The following TAOK2 variants were observed in gnomAD, a reference collection of about 807,000 sequenced individuals.
TAOK2 encodes the protein serine/threonine-protein kinase TAO2.
A neutral mutation model predicts 122.5 loss-of-function variants in TAOK2; 42 were observed. The observed-to-expected ratio is 0.34, with a 90% confidence interval of 0.27 to 0.44. The LOEUF (loss-of-function observed/expected upper bound fraction) is 0.44, where lower values mean the gene tolerates loss of function less well. Ranked by LOEUF, TAOK2 falls within the 20% of genes least tolerant of loss-of-function variation. TAOK2 has a pLI of 1.00. For synonymous variants in TAOK2, 704 were observed against 677.6 expected (o/e 1.04, Z -0.61); for missense variants, 1,264 against 1,644.9 (o/e 0.77, Z 4.01).
chr16:29,983,976 TGTGCTGGGGAAGCCCA>T (rs1456575448), intron 13 of TAOK2, among the ~76,000 whole-genome samples: 21 of 152,330 alleles, frequency 1.4e-4, no homozygotes, highest in East Asian at 9.7e-4. Context: ...TTCACAGTTG[TGTGCTGGGGAAGCCCA>T]GTGCTGGGGG....
downstream of TAOK2, chr16:29,992,214 A>C (rs1489717913): frequency 6.6e-6 from 1 of 151,766 alleles, no homozygotes; most frequent in Non-Finnish European, 1.5e-5. Flanking sequence ...TGGGGCTGGC[A>C]CAGAGCCCCA....
rs561701435 is a variant in TAOK2 at position 29,987,272 on chromosome 16, G to A, written c.3000G>A (p.Gly1000=). 8.5e-6 allele frequency: 13 copies of A among 1,527,356 alleles called. No individual in the cohort carries two copies. In the South Asian group the frequency reaches 1.6e-4, roughly 19 times the overall value. The allele number at this position is 1,527,356 out of a possible 1,614,324, so 94.6% of individuals were successfully genotyped here. The stretch of plus-strand genomic sequence containing the variant: ...TTGAGGTGGGGCTGGTGGGTCTGGG[G>A]GCCTCCTACCTGCTCCTTTGTACAG... The part of the protein sequence containing the change: ...LALEVGLVGL[G]ASYLLLCTAL... The change falls in exon 16 of 16, where the codon GGG becomes GGA. Residue 1000 remains glycine (G), a synonymous_variant. Coordinates refer to ENST00000308893, the MANE Select transcript of TAOK2 (RefSeq NM_016151.4).
At chr16:29,989,523 TTCCTCTTCC>T (rs756554637), downstream of TAOK2, 45 of 1,600,916 alleles carry the variant, frequency 2.8e-5, no homozygotes, top group Middle Eastern at 5.0e-4. Flanking sequence ...GTTCCTCCTC[TTCCTCTTCC>T]TCCTCTTCCT....
chr16:29,982,589 A>G (rs926039933), intron 10 of TAOK2, 145 bp from the exon 11 acceptor site: 2 of 936,198 alleles, frequency 2.1e-6, no homozygotes, highest in Non-Finnish European at 3.1e-6. Flanking sequence ...GAAAATTGTG[A>G]GAGAAGGGCT....
downstream of TAOK2, chr16:29,991,387 C>A: frequency 6.4e-7 from 1 of 1,569,806 alleles, no homozygotes; most frequent in South Asian, 1.2e-5. This position sits in a 1 kb window ranked among gnomAD's most constrained non-coding sequence, Gnocchi z 5.6. Context: ...CAAAGTGGGA[C>A]ACCCCGTGGC....
downstream of TAOK2, chr16:29,991,650 C>CCTGCAA: frequency 7.2e-7 from 1 of 1,392,278 alleles, no homozygotes; most frequent in Non-Finnish European, 9.4e-7. This position sits in a 1 kb window ranked among gnomAD's most constrained non-coding sequence, Gnocchi z 5.6. Context: ...GCTGGAGGCC[C>CCTGCAA]CTGCAAGGGT....
downstream of TAOK2, chr16:29,988,517 C>T (rs770748945): frequency 8.5e-7 from 1 of 1,179,658 alleles, no homozygotes; most frequent in African/African-American, 1.6e-5. Flanking sequence ...TTATCTCAGC[C>T]CCCTCACTCC....
Position 29,987,080 on chromosome 16 carries a change from G to GC in TAOK2, c.2811dup (p.Cys938LeufsTer56), listed in dbSNP as rs765474532. On this transcript the variant is annotated frameshift_variant, in exon 16 of 16. Coordinates refer to ENST00000308893, the MANE Select transcript of TAOK2 (RefSeq NM_016151.4). LOFTEE classifies it high-confidence loss of function. ...CTGAACCCCCTCCAACACACCTGAGGCCCTGCCCTGCCAGCCAGCTCCCTG... is the reference window on the plus strand; with the variant it reads ...CTGAACCCCCTCCAACACACCTGAGGCCCCTGCCCTGCCAGCCAGCTCCCTG... The GC allele has an allele frequency of 1.2e-6, 2 of 1,613,354 alleles. No homozygotes were observed. The highest frequency in any genetic ancestry group is 1.7e-6 in the Non-Finnish European group (2 of 1,179,510).
In TAOK2 at chr16:29,988,352, AAAAAAG is replaced by A; in HGVS notation, c.*380_*385del. 1 of 1,365,336 alleles carries A rather than the reference AAAAAAG, an allele frequency of 7.3e-7. No homozygotes were observed. The highest frequency in any genetic ancestry group is 9.6e-7 in the Non-Finnish European group (1 of 1,038,894). 84.6% of individuals were successfully genotyped at this position (1,365,336 alleles called of 1,614,324 possible). A position where few individuals can be genotyped will look rare whatever the true frequency, so the allele number is the denominator to read the frequency against. ...CCAACCTGTCCCCTTCCCCCCACCA[AAAAAAG>A]AAAAAGACAAACACAAATAAAATAT... On this transcript the variant is annotated 3_prime_UTR_variant, in exon 16 of 16. Coordinates refer to ENST00000308893, the MANE Select transcript of TAOK2 (RefSeq NM_016151.4).
chr16:29,987,196 C>A lies in TAOK2; in HGVS notation c.2924C>A (p.Pro975Gln). Reference protein sequence around the residue: ...LLPLLLLLLLPLLAAQGGGGL... With the variant: ...LLPLLLLLLLQLLAAQGGGGL... The stretch of plus-strand genomic sequence containing the variant: ...CCCCTCCTGCTGCTGCTGCTGCTTC[C>A]ATTGCTGGCAGCCCAGGGTGGGGGT... Residue 975 changes from proline (P) to glutamine (Q), a missense_variant, in exon 16 of 16, where the codon CCA becomes CAA. Pro to Gln is a moderately conservative substitution (Grantham distance 76, BLOSUM62 -1). This residue lies in a region of TAOK2 where 824 missense variants were observed against 908.7 expected (regional missense o/e 0.91). Coordinates refer to ENST00000308893, the MANE Select transcript of TAOK2 (RefSeq NM_016151.4). The A allele has an allele frequency of 6.4e-7, 1 of 1,552,448 alleles. No individual in the cohort carries two copies. The highest frequency in any genetic ancestry group is 8.7e-7 in the Non-Finnish European group (1 of 1,154,796).
downstream of TAOK2, chr16:29,989,865 G>C (rs556568973): frequency 3.8e-6 from 6 of 1,565,592 alleles, no homozygotes; most frequent in Admixed American, 5.3e-5. Flanking sequence ...CTTTGCTTTA[G>C]AGAAATGGAC....
chr16:29,988,763 G>A, downstream of TAOK2: 4 of 985,410 alleles, frequency 4.1e-6, no homozygotes, highest in Non-Finnish European at 4.8e-6. Context: ...TACCCTAGTG[G>A]GTTGGGGGAC....
In TAOK2 at chr16:29,987,497, C is replaced by A. The variant is rs1292983800; in HGVS notation, c.3225C>A (p.Pro1075=). The A allele has an allele frequency of 6.9e-6, 11 of 1,598,438 alleles. No homozygotes were observed. The highest frequency in any genetic ancestry group is 9.4e-6 in the Non-Finnish European group (11 of 1,170,944). ...GCAGATGGGTGCGGCAGCAGGGCCC[C>A]CGGGTGCGCCGGGGCATATCTCGAC... is the stretch of plus-strand genomic sequence containing the variant. ...AGGRWVRQQG[P]RVRRGISRLW... The change falls in exon 16 of 16, where the codon CCC becomes CCA. Residue 1075 remains proline (P), a synonymous_variant. Transcript: ENST00000308893.
chr16:29,979,176 T>C lies in TAOK2; in HGVS notation c.450-19T>C, dbSNP rs778550779. The C allele has an allele frequency of 3.7e-6, 6 of 1,613,898 alleles. No homozygotes were observed. Among genetic ancestry groups the C allele is most frequent in the South Asian group, 2.2e-5 (2 of 91,080 alleles). On this transcript the variant is annotated intron_variant, in intron 6 of 15. Coordinates refer to ENST00000308893, the MANE Select transcript of TAOK2 (RefSeq NM_016151.4). The surrounding 1 kb of genome is among the most constrained non-coding windows in gnomAD (Gnocchi z 4.1). ...TTTCTTGAGACACATGTCTCATCCC[T>C]GTACTTTGCCTCTGGCAGGGATGTG...
At position 29,983,354 on chromosome 16, in the gene TAOK2, G is replaced by A. The variant is rs765315463; in HGVS notation, c.1260+22G>A. ...GCCGGTACACAGCTCACCCTTGGGG[G>A]ACCCGAGCCACCTGCTCTAGAACTG... On this transcript the variant is annotated intron_variant, in intron 12 of 15. Coordinates refer to ENST00000308893, the MANE Select transcript of TAOK2 (RefSeq NM_016151.4). The A allele has an allele frequency of 9.5e-6, 15 of 1,578,390 alleles. No homozygotes were observed. In the South Asian group the frequency reaches 1.6e-4, roughly 17 times the overall value.
chr16:29,977,621 G>T, intron 1 of TAOK2, 117 bp from the exon 2 acceptor site: 1 of 982,412 alleles, frequency 1.0e-6, no homozygotes, highest in Non-Finnish European at 1.5e-6. Flanking sequence ...CCCTTCCTCA[G>T]CAGTGCCTCC....
chr16:29,989,931 C>G, downstream of TAOK2: 3 of 829,538 alleles, frequency 3.6e-6, no homozygotes, highest in South Asian at 3.5e-5. Context: ...CACATACTCT[C>G]CCTCTGTTCG....
At chr16:29,981,132 C>T (rs1236220144) in intron 8 of TAOK2, 1 of 176,102 alleles carries the variant, frequency 5.7e-6, no homozygotes, top group African/African-American at 2.4e-5. Context: ...AATCTCAGGG[C>T]TTTTTACAAA....
intron 9 of TAOK2, 23 bp from the exon 10 acceptor site, chr16:29,981,836 T>C (rs765308668): frequency 1.5e-6 from 2 of 1,295,900 alleles, no homozygotes; most frequent in Non-Finnish European, 2.2e-6. Flanking sequence ...CCCACCCCTC[T>C]CCCACCCTCC....
Sources: allele counts gnomAD v4.1 joint callset (sites outside exome capture counted in the v4.1 genomes callset), GRCh38; gene constraint gnomAD v4.1.1; regional missense constraint gnomAD v4.1.1; non-coding constraint Gnocchi (gnomAD v3.1); transcripts MANE v1.5; gene names NCBI Gene and HGNC (gene_info 2026-07-23, HGNC 2026-07-21).